The following TMCC1 variants were observed in gnomAD, a reference collection of about 807,000 sequenced individuals.
The protein encoded by TMCC1 is transmembrane and coiled-coil domains protein 1.
Under a neutral mutation model 52.4 loss-of-function variants are expected in TMCC1, and 15 were observed. That is an observed-to-expected ratio of 0.29 (90% CI 0.19 to 0.44). The LOEUF is 0.44. Ranked by LOEUF, TMCC1 falls within the 20% of genes least tolerant of loss-of-function variation. The pLI, the probability that TMCC1 is intolerant of heterozygous loss-of-function variation, is 1.00. For missense variants in TMCC1, 503 were observed against 806.0 expected (o/e 0.62, Z 4.55); for synonymous variants, 279 against 301.9 (o/e 0.92, Z 0.79).
Position 129,670,514 on chromosome 3 carries a change from C to T in TMCC1, c.1327G>A (p.Gly443Arg). ...GTGTTTGTTTTGGAGCTGGATGCTC[C>T]TACAGCGATGCCCCCTGTGGTGCTG... is the stretch of plus-strand genomic sequence containing the variant. The part of the protein sequence containing the change: ...ANSTTGGIAV[G>R]ASSSKTNTLD... Residue 443 changes from glycine (G) to arginine (R), a missense_variant, in exon 5 of 7, where the codon GGA (glycine) becomes AGA (arginine). Gly to Arg is a moderately radical substitution (Grantham distance 125). This residue lies in a region of TMCC1 where 121 missense variants were observed against 193.6 expected (regional missense o/e 0.62). Coordinates refer to ENST00000393238, the MANE Select transcript of TMCC1 (RefSeq NM_001017395.5). 1.2e-6 allele frequency: 2 copies of T among 1,614,216 alleles called. No individual in the cohort carries two copies. The highest frequency in any genetic ancestry group is 2.2e-5 in the South Asian group (2 of 91,084).
chr3:129,889,921 T>TAA (rs3042659), intron 1 of TMCC1, among the ~76,000 whole-genome samples: 32,535 of 134,626 alleles, frequency 0.24, 6,014 homozygotes, highest in East Asian at 0.56. Flanking sequence ...GTAGCAAAGT[T>TAA]AAAAAAAAAA....
chr3:129,802,234 G>A (rs935809454), intron 4 of TMCC1, among the ~76,000 whole-genome samples: 2 of 152,084 alleles, frequency 1.3e-5, no homozygotes, highest in Non-Finnish European at 2.9e-5. Flanking sequence ...GTAGACATGG[G>A]CCTCACAAAG....
At chr3:129,742,048 TG>T (rs2051503738) in intron 4 of TMCC1, among the ~76,000 whole-genome samples, 1 of 152,144 alleles carries the variant, frequency 6.6e-6, no homozygotes, top group Non-Finnish European at 1.5e-5. Flanking sequence ...TGAATAGTCT[TG>T]ATCTTTTGGA....
chr3:129,824,715 T>C (rs755483527), intron 4 of TMCC1, among the ~76,000 whole-genome samples: 29 of 152,172 alleles, frequency 1.9e-4, no homozygotes, highest in Admixed American at 3.3e-4. Flanking sequence ...TTCTAACTTA[T>C]GCCCACTGTT....
At chr3:129,759,191 T>C (rs1022286614) in intron 4 of TMCC1, among the ~76,000 whole-genome samples, 6 of 152,054 alleles carry the variant, frequency 3.9e-5, no homozygotes, top group Non-Finnish European at 7.4e-5. Flanking sequence ...CTACTATTCT[T>C]CCATAACTGC....
intron 4 of TMCC1, among the ~76,000 whole-genome samples, chr3:129,711,599 C>T (rs1560242858): frequency 1.3e-5 from 2 of 152,018 alleles, no homozygotes; most frequent in African/African-American, 2.4e-5. Flanking sequence ...AATCCCAACA[C>T]TTTGGAAGGC....
At chr3:129,836,841 A>G (rs2059182297) in intron 2 of TMCC1, among the ~76,000 whole-genome samples, 1 of 152,360 alleles carries the variant, frequency 6.6e-6, no homozygotes, top group African/African-American at 2.4e-5. Flanking sequence ...GAACCTCAAA[A>G]GGCTCTCTAA....
At chr3:129,753,168 C>CAAAA (rs2052685687) in intron 4 of TMCC1, among the ~76,000 whole-genome samples, 1 of 152,108 alleles carries the variant, frequency 6.6e-6, no homozygotes, top group Non-Finnish European at 1.5e-5. Flanking sequence ...AATAAGTAGC[C>CAAAA]AAATATATGT....
At chr3:129,746,937 C>T (rs993189632) in intron 4 of TMCC1, among the ~76,000 whole-genome samples, 14 of 152,140 alleles carry the variant, frequency 9.2e-5, no homozygotes, top group African/African-American at 3.4e-4. Flanking sequence ...TTTTTAATCC[C>T]AATCTCAGTT....
chr3:129,830,570 T>G (rs186472807), intron 3 of TMCC1, among the ~76,000 whole-genome samples: 5 of 152,148 alleles, frequency 3.3e-5, no homozygotes, highest in Non-Finnish European at 5.9e-5. Flanking sequence ...TGGGAGGGTG[T>G]GAAAGCAGCA....
At chr3:129,773,077 T>C (rs2054745954) in intron 4 of TMCC1, among the ~76,000 whole-genome samples, 1 of 152,136 alleles carries the variant, frequency 6.6e-6, no homozygotes. Flanking sequence ...TTCACTGTAA[T>C]AGTATTTGTA....
chr3:129,655,338 A>G (rs1391253876), intron 5 of TMCC1, among the ~76,000 whole-genome samples: 1 of 152,236 alleles, frequency 6.6e-6, no homozygotes, highest in Non-Finnish European at 1.5e-5. Context: ...TTCAATACAC[A>G]GTATTTGCAG....
intron 4 of TMCC1, among the ~76,000 whole-genome samples, chr3:129,821,444 T>C (rs1357846895): frequency 6.6e-6 from 1 of 152,204 alleles, no homozygotes; most frequent in Admixed American, 6.5e-5. Context: ...TTAAGAATGA[T>C]CTGATATAAT....
At chr3:129,752,573 G>A (rs1305907774) in intron 4 of TMCC1, among the ~76,000 whole-genome samples, 2 of 152,070 alleles carry the variant, frequency 1.3e-5, no homozygotes, top group Admixed American at 6.6e-5. Context: ...GGCTGAGGCA[G>A]AAGAATCGCT....
chr3:129,821,000 C>T (rs374207602), intron 4 of TMCC1, among the ~76,000 whole-genome samples: 157 of 152,284 alleles, frequency 1.0e-3, no homozygotes, highest in African/African-American at 3.4e-3. Flanking sequence ...GTTTCTACTT[C>T]AAGAGTTAAT....
chr3:129,739,178 C>G (rs2051242271), intron 4 of TMCC1, among the ~76,000 whole-genome samples: 2 of 151,774 alleles, frequency 1.3e-5, no homozygotes, highest in South Asian at 2.1e-4. Context: ...ACAGATGATT[C>G]TTTTTTTGAG....
chr3:129,661,544 T>A (rs1186458605), intron 5 of TMCC1, among the ~76,000 whole-genome samples: 1 of 152,232 alleles, frequency 6.6e-6, no homozygotes, highest in Non-Finnish European at 1.5e-5. Flanking sequence ...GTTATTAGAT[T>A]ATTGTCTTTT....
Position 129,828,019 on chromosome 3 carries a change from G to A in TMCC1, c.360C>T (p.Ser120=), listed in dbSNP as rs1560501274. Residue 120 remains serine, a synonymous_variant, in exon 4 of 7, where the codon AGC becomes AGT. Transcript: ENST00000393238. The surrounding 1 kb of genome is among the most constrained non-coding windows in gnomAD (Gnocchi z 4.1). ...RVPPKMKRGT[S]LHSRRGKPEA... ...CTGGCTTGCCCCGCCTACTATGCAA[G>A]CTTGTCCCTCTCTTCATCTTGGGTG... 1.9e-6 allele frequency: 3 copies of A among 1,614,162 alleles called. No individual in the cohort carries two copies. Among genetic ancestry groups the A allele is most frequent in the East Asian group, 2.2e-5 (1 of 44,876 alleles).
intron 4 of TMCC1, among the ~76,000 whole-genome samples, chr3:129,676,759 T>C (rs189044663): frequency 4.6e-4 from 70 of 152,294 alleles, no homozygotes; most frequent in Middle Eastern, 3.4e-3. Context: ...TGGTTTTGGG[T>C]CACCTACTTG....
Sources: allele counts gnomAD v4.1 joint callset (sites outside exome capture counted in the v4.1 genomes callset), GRCh38; gene constraint gnomAD v4.1.1; regional missense constraint gnomAD v4.1.1; non-coding constraint Gnocchi (gnomAD v3.1); transcripts MANE v1.5; gene names NCBI Gene and HGNC (gene_info 2026-07-23, HGNC 2026-07-21).